Variants in VPS13C observed in about 807,000 individuals in gnomAD.
VPS13C encodes intermembrane lipid transfer protein VPS13C.
A neutral mutation model predicts 456.8 loss-of-function variants in VPS13C; 358 were observed. The ratio of observed to expected loss-of-function variants is 0.78; its 90% CI spans 0.72 to 0.86. The LOEUF (loss-of-function observed/expected upper bound fraction) is 0.86, where lower values mean the gene tolerates loss of function less well. VPS13C is among the 40% of genes least tolerant of loss of function. The probability of loss-of-function intolerance (pLI) is 0.00; values close to 1 mark genes in which losing one functional copy is unlikely to be tolerated. For synonymous variants in VPS13C, 1,578 were observed against 1,486.7 expected (o/e 1.06, Z -1.41); for missense variants, 4,818 against 4,385.4 (o/e 1.10, Z -2.79).
intron 52 of VPS13C, 138 bp downstream of exon 52, chr15:61,926,953 A>G (rs189715257): frequency 9.2e-6 from 7 of 759,306 alleles, no homozygotes; most frequent in Middle Eastern, 2.4e-4. Context: ...TTGGAATTCA[A>G]TATCTTTATA....
Position 61,978,703 on chromosome 15 carries a change from A to G in VPS13C, c.2213T>C (p.Leu738Pro). The G allele has an allele frequency of 6.2e-7, 1 of 1,612,322 alleles. No individual in the cohort carries two copies. Among genetic ancestry groups the G allele is most frequent in the Non-Finnish European group, 8.5e-7 (1 of 1,179,352 alleles). Residue 738 changes from leucine (L) to proline (P), a missense_variant, in exon 23 of 85, where the codon CTG becomes CCG. Physicochemically the swap from Leu to Pro is moderately conservative, Grantham distance 98 (BLOSUM62 -3). Coordinates refer to ENST00000644861, the MANE Select transcript of VPS13C (RefSeq NM_020821.3). ...QGLQKTTNSS[L>P]EEIMDKAYDK... ...ATATGCCTTATCCATTATTTCTTCCAGAGATGAATTAGTAGTCTTCTGTAA... is the reference window on the plus strand; with the variant it reads ...ATATGCCTTATCCATTATTTCTTCCGGAGATGAATTAGTAGTCTTCTGTAA...
intron 78 of VPS13C, 77 bp downstream of exon 78, chr15:61,873,149 CCTAGACTCATAAGCAGCATT>C: frequency 6.5e-7 from 1 of 1,532,224 alleles, no homozygotes; most frequent in Non-Finnish European, 8.8e-7. Flanking sequence ...TTCCTACAGG[CCTAGACTCATAAGCAGCATT>C]CTAAGTTTCA....
chr15:61,867,871 C>G lies in VPS13C; in HGVS notation c.10863+788G>C. The G allele has an allele frequency of 1.3e-6, 2 of 1,593,920 alleles. No homozygotes were observed. Among genetic ancestry groups the G allele is most frequent in the Non-Finnish European group, 1.7e-6 (2 of 1,170,278 alleles). ...GAATTCACACACAGTCAATTAACACCACAGTTTGTTTTGATTTTTAAGGAT... is the reference window on the plus strand; with the variant it reads ...GAATTCACACACAGTCAATTAACACGACAGTTTGTTTTGATTTTTAAGGAT... On this transcript the variant is annotated intron_variant, in intron 81 of 84. Coordinates refer to ENST00000644861, the MANE Select transcript of VPS13C (RefSeq NM_020821.3). The surrounding 1 kb of genome is among the most constrained non-coding windows in gnomAD (Gnocchi z 5.0).
intron 1 of VPS13C, 84 bp from the exon 2 acceptor site, chr15:62,044,339 A>C (rs1189602779): frequency 4.9e-6 from 4 of 815,846 alleles, no homozygotes; most frequent in Non-Finnish European, 7.5e-6. Context: ...AGCACTAAGA[A>C]ACTGGGCTAA....
intron 61 of VPS13C, among the ~76,000 whole-genome samples, chr15:61,915,383 C>G (rs1189498779): frequency 6.6e-6 from 1 of 152,084 alleles, no homozygotes; most frequent in Non-Finnish European, 1.5e-5. Flanking sequence ...TACTATACTA[C>G]TACTACTACT....
intron 81 of VPS13C, chr15:61,865,676 A>C (rs1024370236): frequency 1.6e-5 from 6 of 384,922 alleles, no homozygotes; most frequent in African/African-American, 1.3e-4. Flanking sequence ...ATATATGTGT[A>C]TATTTGTATG....
At chr15:61,905,953 T>C (rs2043140922) in intron 66 of VPS13C, among the ~76,000 whole-genome samples, 1 of 152,178 alleles carries the variant, frequency 6.6e-6, no homozygotes, top group South Asian at 2.1e-4. Context: ...TAGTTGAGGA[T>C]GCCAGGCATA....
In VPS13C at chr15:62,028,416, T is replaced by C. The variant is rs1316734881; in HGVS notation, c.390A>G (p.Thr130=). Residue 130 remains threonine, a synonymous_variant, in exon 6 of 85, where the codon ACA becomes ACG. Transcript: ENST00000644861. ...EALQKAAEKG[T]HSGEFIYGLE... ...AGCCATATATGAACTCCCCTGAATG[T>C]GTGCCTGCATCCCACATGGCAGCAA... 20 of 1,612,828 alleles carry C rather than the reference T, an allele frequency of 1.2e-5. No individual in the cohort carries two copies. The Admixed American group carries it at 2.0e-4, about 16-fold the overall frequency.
chr15:62,008,465 T>C (rs2046928879), intron 14 of VPS13C, among the ~76,000 whole-genome samples, 190 bp downstream of exon 14: 1 of 151,986 alleles, frequency 6.6e-6, no homozygotes, highest in Admixed American at 6.6e-5. Context: ...AAAAAAGTAA[T>C]ATGGACATAC....
intron 24 of VPS13C, 86 bp from the exon 25 acceptor site, chr15:61,974,503 C>T (rs2045647875): frequency 7.1e-7 from 1 of 1,406,390 alleles, no homozygotes; most frequent in Non-Finnish European, 9.7e-7. Flanking sequence ...TAGATTAAAA[C>T]ATGCCTAAAC....
chr15:61,946,490 T>G lies in VPS13C; in HGVS notation c.4877-80A>C, dbSNP rs573905814. On this transcript the variant is annotated intron_variant, in intron 43 of 84. Coordinates refer to ENST00000644861, the MANE Select transcript of VPS13C (RefSeq NM_020821.3). ...GTGGTATTTAAGTTCAATAATATAC[T>G]GACAAGATATAAAGTGAATAAAAAT... 3.1e-6 allele frequency: 3 copies of G among 978,072 alleles called. No individual in the cohort carries two copies. In the Admixed American group the frequency reaches 8.3e-5, roughly 27 times the overall value. 60.6% of individuals were successfully genotyped at this position (978,072 alleles called of 1,614,324 possible). A position where few individuals can be genotyped will look rare whatever the true frequency, so the allele number is the denominator to read the frequency against.
chr15:61,894,613 A>C lies in VPS13C; in HGVS notation c.9106-4213T>G, dbSNP rs74899872. Among the ~76,000 whole-genome samples, 1,202 of 152,280 alleles carry C rather than the reference A, an allele frequency of 7.9e-3. 11 individuals carry two copies. Among genetic ancestry groups the C allele is most frequent in the African/African-American group, 0.028 (1,154 of 41,554 alleles). Reference sequence around the variant, plus strand: ...TGCTTAGTTACATCAAATAAAATAGATTTCAAGGCTAAGATTACAAAAAGA... The same window carrying C: ...TGCTTAGTTACATCAAATAAAATAGCTTTCAAGGCTAAGATTACAAAAAGA... On this transcript the variant is annotated intron_variant, in intron 66 of 84. Transcript: ENST00000644861.
chr15:61,927,753 AT>A (rs2043907561), intron 51 of VPS13C, among the ~76,000 whole-genome samples: 1 of 152,212 alleles, frequency 6.6e-6, no homozygotes, highest in South Asian at 2.1e-4. Flanking sequence ...ACGTATGTTT[AT>A]TGCGGCACTA....
chr15:61,962,894 C>A, intron 32 of VPS13C, 42 bp from the exon 33 acceptor site: 3 of 1,346,778 alleles, frequency 2.2e-6, no homozygotes, highest in South Asian at 1.5e-5. Context: ...ACAGACCTAC[C>A]ATAAATAAGA....
Position 62,035,158 on chromosome 15 carries a change from T to C in VPS13C, c.188-106A>G, listed in dbSNP as rs145376794. 4.4e-4 allele frequency: 250 copies of C among 568,526 alleles called. No homozygotes were observed. The East Asian group carries it at 5.4e-3, about 12-fold the overall frequency. 35.2% of individuals were successfully genotyped at this position (568,526 alleles called of 1,614,324 possible). A position where few individuals can be genotyped will look rare whatever the true frequency, so the allele number is the denominator to read the frequency against. On this transcript the variant is annotated intron_variant, in intron 3 of 84. Transcript: ENST00000644861. Reference sequence around the variant, plus strand: ...AAAGCATAAAAAACTCTTCATGGTATGTACATCACTCAGAAAAAATGAAAA... The same window carrying C: ...AAAGCATAAAAAACTCTTCATGGTACGTACATCACTCAGAAAAAATGAAAA...
At chr15:62,002,125 A>G (rs140246476) in intron 15 of VPS13C, among the ~76,000 whole-genome samples, 8,097 of 152,272 alleles carry the variant, frequency 0.053, 380 homozygotes, top group African/African-American at 0.12. Context: ...ACTAGTTTAC[A>G]GTCCCACCAA....
At chr15:61,881,673 A>T (rs1339686537) in intron 70 of VPS13C, 41 bp from the exon 71 acceptor site, 1 of 1,604,822 alleles carries the variant, frequency 6.2e-7, no homozygotes, top group South Asian at 1.1e-5. Context: ...ATAATGCTTT[A>T]TACTAGGTTA....
chr15:61,859,715 C>G (rs944527023), intron 82 of VPS13C, among the ~76,000 whole-genome samples: 1 of 152,186 alleles, frequency 6.6e-6, no homozygotes, highest in African/African-American at 2.4e-5. Flanking sequence ...GTCCATCGCT[C>G]TTCTTAGCAC....
At chr15:61,898,497 A>G (rs901653372) in intron 66 of VPS13C, among the ~76,000 whole-genome samples, 13 of 152,074 alleles carry the variant, frequency 8.5e-5, no homozygotes, top group Non-Finnish European at 1.6e-4. Context: ...AGATCAAAAG[A>G]GACAAAGAAG....
Sources: gnomAD v4.1 joint callset for allele counts (sites outside exome capture counted in the v4.1 genomes callset) on GRCh38, gnomAD v4.1.1 for gene constraint, Gnocchi (gnomAD v3.1) non-coding constraint, MANE v1.5 for transcripts, NCBI Gene and HGNC (gene_info 2026-07-23, HGNC 2026-07-21) for gene names.